GBGT1: variants seen among roughly 807,000 people sequenced by gnomAD.
GBGT1 encodes globoside alpha-1,3-N-acetylgalactosaminyltransferase 1 (FORS blood group).
In GBGT1, 18 loss-of-function variants were observed where a neutral mutation model predicts 20.9. The ratio of observed to expected loss-of-function variants is 0.86; its 90% CI spans 0.60 to 1.28. The LOEUF is 1.28. GBGT1 is among the 50% of genes most tolerant of loss of function. The probability of loss-of-function intolerance (pLI) is 0.00; values close to 1 mark genes in which losing one functional copy is unlikely to be tolerated. For missense variants in GBGT1, 432 were observed against 455.7 expected (o/e 0.95, Z 0.47); for synonymous variants, 168 against 180.8 (o/e 0.93, Z 0.57).
chr9:133,156,628 A>C (rs903903110), intron 3 of GBGT1, among the ~76,000 whole-genome samples: 1 of 151,224 alleles, frequency 6.6e-6, no homozygotes, highest in Non-Finnish European at 1.5e-5. Flanking sequence ...CCATTGCACT[A>C]CAGCCTGTGT....
intron 3 of GBGT1, 108 bp downstream of exon 3, chr9:133,161,354 ATGAAC>A (rs1833036347): frequency 3.2e-6 from 2 of 621,436 alleles, no homozygotes; most frequent in Non-Finnish European, 5.7e-6. Context: ...TATCAGAAAC[ATGAAC>A]TTAGGAATCA....
intron 1 of GBGT1, chr9:133,163,281 G>C (rs1473202663): frequency 6.6e-6 from 1 of 152,264 alleles, no homozygotes; most frequent in Non-Finnish European, 1.5e-5. Context: ...CAGGGCCCGG[G>C]TTCTCCACGG....
Position 133,156,052 on chromosome 9 carries a change from G to A in GBGT1, c.151C>T (p.His51Tyr). The A allele has an allele frequency of 6.2e-7, 1 of 1,614,080 alleles. No individual in the cohort carries two copies. Among genetic ancestry groups the A allele is most frequent in the African/African-American group, 1.3e-5 (1 of 75,052 alleles). Reference sequence around the variant, plus strand: ...TGGAGTGGCTTCTCCCTCTTGTAGTGCAGCTTCATGTTGCTGGTGGCAGAG... The same window carrying A: ...TGGAGTGGCTTCTCCCTCTTGTAGTACAGCTTCATGTTGCTGGTGGCAGAG... ...PCPEIFNMKL[H>Y]YKREKPLQPV... The change falls in exon 4 of 7, where the codon CAC (histidine) becomes TAC (tyrosine). Residue 51 changes from histidine (H) to tyrosine (Y), a missense_variant. His to Tyr is a moderately conservative substitution (Grantham distance 83). Transcript: ENST00000372040.
chr9:133,156,794 C>A (rs540263356), intron 3 of GBGT1, among the ~76,000 whole-genome samples: 6 of 152,144 alleles, frequency 3.9e-5, no homozygotes, highest in Admixed American at 2.0e-4. Flanking sequence ...AGTAGCTGGA[C>A]CTGCCAGGCA....
Position 133,162,444 on chromosome 9 carries a change from G to A in GBGT1, c.-32C>T, listed in dbSNP as rs1471974510. On this transcript the variant is annotated 5_prime_UTR_variant, in exon 2 of 7. Transcript: ENST00000372040. Reference sequence around the variant, plus strand: ...GGGCTGCACCTGAGCCTGGGCACTTGTAGAGACCCCCACTGGCCTGGGCGG... The same window carrying A: ...GGGCTGCACCTGAGCCTGGGCACTTATAGAGACCCCCACTGGCCTGGGCGG... The A allele has an allele frequency of 6.4e-7, 1 of 1,574,122 alleles. No homozygotes were observed. The highest frequency in any genetic ancestry group is 2.3e-5 in the East Asian group (1 of 43,852).
In GBGT1 at chr9:133,153,758, G is replaced by T; in HGVS notation, c.863C>A (p.Ala288Asp). 1 of 1,611,676 alleles carries T rather than the reference G, an allele frequency of 6.2e-7. No individual in the cohort carries two copies. The highest frequency in any genetic ancestry group is 1.1e-5 in the South Asian group (1 of 90,700). Residue 288 changes from alanine (A) to aspartate (D), a missense_variant, in exon 7 of 7, where the codon GCC becomes GAC. Physicochemically the swap from Ala to Asp is moderately radical, Grantham distance 126. Coordinates refer to ENST00000372040, the MANE Select transcript of GBGT1 (RefSeq NM_021996.6). Reference sequence around the variant, plus strand: ...CCGCCAGGCAGCCATGATGCCATTGGCCTTGTCCGCCAGGATGGCCATGTG... The same window carrying T: ...CCGCCAGGCAGCCATGATGCCATTGTCCTTGTCCGCCAGGATGGCCATGTG... Reference protein sequence around the residue: ...GCHMAILADKANGIMAAWREE... With the variant: ...GCHMAILADKDNGIMAAWREE...
intron 1 of GBGT1, 121 bp downstream of exon 1, chr9:133,163,633 C>G (rs1040719645): frequency 6.5e-6 from 1 of 152,684 alleles, no homozygotes; most frequent in East Asian, 1.9e-4. Context: ...GGTCGGGACC[C>G]GGGACCCTGG....
chr9:133,159,050 T>C (rs1832958041), intron 3 of GBGT1, among the ~76,000 whole-genome samples: 1 of 152,072 alleles, frequency 6.6e-6, no homozygotes, highest in South Asian at 2.1e-4. Context: ...AACCTTAGCC[T>C]CCTGGGATCA....
intron 2 of GBGT1, 38 bp from the exon 3 acceptor site, chr9:133,161,570 C>G (rs1362918636): frequency 6.8e-7 from 1 of 1,467,936 alleles, no homozygotes; most frequent in Admixed American, 1.9e-5. Flanking sequence ...TGTTGATCCA[C>G]TCTGCACCAG....
rs758181959 is a variant in GBGT1 at position 133,154,256 on chromosome 9, G to C, written c.365C>G (p.Thr122Ser). 1.3e-5 allele frequency: 20 copies of C among 1,521,508 alleles called. No individual in the cohort carries two copies. The East Asian group carries it at 4.6e-4, about 35-fold the overall frequency. The allele number at this position is 1,521,508 out of a possible 1,614,324, so 94.3% of individuals were successfully genotyped here. A position where few individuals can be genotyped will look rare whatever the true frequency, so the allele number is the denominator to read the frequency against. Residue 122 changes from threonine (T) to serine (S), a missense_variant, in exon 7 of 7, where the codon ACT (threonine) becomes AGT (serine). Thr to Ser is a moderately conservative substitution (Grantham distance 58). Transcript: ENST00000372040. The surrounding 1 kb of genome is among the most constrained non-coding windows in gnomAD (Gnocchi z 4.2). Reference protein sequence around the residue: ...GVTVFAVGKYTHFIQSFLESA... With the variant: ...GVTVFAVGKYSHFIQSFLESA... ...CTCCAGGAAGGACTGGATGAAATGA[G>C]TGTACCTAGTGATGATCACCCGGTC... is the stretch of plus-strand genomic sequence containing the variant.
At chr9:133,156,659 C>A (rs1236681988) in intron 3 of GBGT1, among the ~76,000 whole-genome samples, 8 of 145,152 alleles carry the variant, frequency 5.5e-5, no homozygotes, top group Non-Finnish European at 4.6e-5. Context: ...GATTCCATCT[C>A]AAAAAAAAAA....
chr9:133,155,092 T>G, intron 6 of GBGT1, 86 bp downstream of exon 6: 1 of 1,254,534 alleles, frequency 8.0e-7, no homozygotes, highest in Non-Finnish European at 1.1e-6. Context: ...CAGGGTCCTG[T>G]GTGCACGTCT....
chr9:133,154,876 C>G lies in GBGT1; in HGVS notation c.359+302G>C. 1 of 321,348 alleles carries G rather than the reference C, an allele frequency of 3.1e-6. No individual in the cohort carries two copies. The highest frequency in any genetic ancestry group is 5.7e-6 in the Non-Finnish European group (1 of 175,008). 19.9% of individuals were successfully genotyped at this position (321,348 alleles called of 1,614,324 possible). ...AGGCCAGGTGGGGTCATGGGAGAGA[C>G]AAGGGCAGAGGAGGGGTCTAGATGA... On this transcript the variant is annotated intron_variant, in intron 6 of 6. Coordinates refer to ENST00000372040, the MANE Select transcript of GBGT1 (RefSeq NM_021996.6). This position sits in a 1 kb window ranked among gnomAD's most constrained non-coding sequence, Gnocchi z 4.2.
intron 3 of GBGT1, among the ~76,000 whole-genome samples, chr9:133,157,242 C>CTACTG (rs535251536): frequency 9.3e-4 from 139 of 149,664 alleles, no homozygotes; most frequent in African/African-American, 3.1e-3. Flanking sequence ...TGTAATCACA[C>CTACTG]TACTGCACTC....
Position 133,153,198 on chromosome 9 carries a change from T to C in GBGT1, c.*379A>G. The C allele has an allele frequency of 5.9e-6, 1 of 170,204 alleles. No individual in the cohort carries two copies. The highest frequency in any genetic ancestry group is 1.2e-5 in the Non-Finnish European group (1 of 80,454). The allele number at this position is 170,204 out of a possible 1,614,324, so 10.5% of individuals were successfully genotyped here. A position where few individuals can be genotyped will look rare whatever the true frequency, so the allele number is the denominator to read the frequency against. ...CTAGGGCGCCTTCACACCAGGGTAT[T>C]AGAAATGCTACGTTAAGGGCAATAT... On this transcript the variant is annotated 3_prime_UTR_variant, in exon 7 of 7. Coordinates refer to ENST00000372040, the MANE Select transcript of GBGT1 (RefSeq NM_021996.6).
intron 3 of GBGT1, among the ~76,000 whole-genome samples, chr9:133,156,719 G>GGCTC (rs1250742325): frequency 8.6e-5 from 13 of 151,638 alleles, no homozygotes; most frequent in African/African-American, 2.9e-4. Context: ...GGTGAGCTAA[G>GGCTC]AGCTAATTAA....
At chr9:133,156,352 C>T (rs1396340113) in intron 3 of GBGT1, among the ~76,000 whole-genome samples, 3 of 152,098 alleles carry the variant, frequency 2.0e-5, no homozygotes, top group Non-Finnish European at 2.9e-5. Context: ...CTCTCGTTGT[C>T]GGAAAGAAGA....
At chr9:133,158,807 G>A (rs752277256) in intron 3 of GBGT1, among the ~76,000 whole-genome samples, 12 of 152,156 alleles carry the variant, frequency 7.9e-5, no homozygotes, top group Non-Finnish European at 1.6e-4. Flanking sequence ...CCAAAAGGAA[G>A]CTCGGTCCTC....
rs1339889842 is a variant in GBGT1, at chr9:133,161,517, G to T, written c.87C>A (p.Asn29Lys). 17 of 1,609,704 alleles carry T rather than the reference G, an allele frequency of 1.1e-5. No homozygotes were observed. Among genetic ancestry groups the T allele is most frequent in the Non-Finnish European group, 1.4e-5 (17 of 1,177,364 alleles). The change falls in exon 3 of 7, where the codon AAC becomes AAA. Residue 29 changes from asparagine to lysine, a missense_variant. Physicochemically the swap from Asn to Lys is moderately conservative, Grantham distance 94 (BLOSUM62 0). Coordinates refer to ENST00000372040, the MANE Select transcript of GBGT1 (RefSeq NM_021996.6). ...AGGGGACATAGGAGACTGGCAGCCA[G>T]TTCTCAAGATACACCCTGTGAATAA... Reference protein sequence around the residue: ...SLSVLWVYLENWLPVSYVPYY... With the variant: ...SLSVLWVYLEKWLPVSYVPYY...
Sources: allele counts gnomAD v4.1 joint callset (sites outside exome capture counted in the v4.1 genomes callset), GRCh38; gene constraint gnomAD v4.1.1; non-coding constraint Gnocchi (gnomAD v3.1); transcripts MANE v1.5; gene names NCBI Gene and HGNC (gene_info 2026-07-23, HGNC 2026-07-21).